Variants in LRRC4C observed in about 807,000 individuals in gnomAD.
LRRC4C encodes the protein leucine-rich repeat-containing protein 4C.
LRRC4C carries 5 observed loss-of-function variants against 33.6 expected under a neutral mutation model. The observed-to-expected ratio is 0.15, with a 90% CI of 0.08 to 0.31. LRRC4C has a LOEUF of 0.31. Ranked by LOEUF, LRRC4C falls within the 10% of genes least tolerant of loss-of-function variation. The pLI, the probability that LRRC4C is intolerant of heterozygous loss-of-function variation, is 1.00. For synonymous variants in LRRC4C, 329 were observed against 302.0 expected, an observed-to-expected ratio of 1.09 and a Z score of -0.93; for missense variants, 560 against 796.7, an observed-to-expected ratio of 0.70 and a Z score of 3.58.
chr11:40,682,349 G>A (rs910125405), intron 2 of LRRC4C, among the ~76,000 whole-genome samples: 2 of 151,834 alleles, frequency 1.3e-5, no homozygotes, highest in African/African-American at 4.8e-5. Context: ...CTAAAGGGAT[G>A]AATGAATGAA....
At chr11:40,508,960 A>G (rs1362079198) in intron 3 of LRRC4C, among the ~76,000 whole-genome samples, 2 of 152,154 alleles carry the variant, frequency 1.3e-5, no homozygotes, top group Non-Finnish European at 2.9e-5. Context: ...GAAACTTGAG[A>G]AATGAAGTGT....
intron 1 of LRRC4C, among the ~76,000 whole-genome samples, chr11:40,995,285 G>A (rs903361255): frequency 2.0e-5 from 3 of 151,986 alleles, no homozygotes; most frequent in African/African-American, 4.8e-5. Context: ...TCATCCCAGA[G>A]GGAATACCTT....
At chr11:40,853,203 T>A (rs2135760312) in intron 2 of LRRC4C, among the ~76,000 whole-genome samples, 1 of 152,220 alleles carries the variant, frequency 6.6e-6, no homozygotes, top group South Asian at 2.1e-4. Flanking sequence ...GTACAGTATA[T>A]GATACTTGAA....
intron 1 of LRRC4C, among the ~76,000 whole-genome samples, chr11:40,952,243 T>C (rs2136735550): frequency 6.6e-6 from 1 of 152,092 alleles, no homozygotes; most frequent in Non-Finnish European, 1.5e-5. Context: ...CCAAGTCTTT[T>C]GTCTCCAAGG....
chr11:40,843,131 C>T (rs1039582000), intron 2 of LRRC4C, among the ~76,000 whole-genome samples: 3 of 152,084 alleles, frequency 2.0e-5, no homozygotes, highest in East Asian at 1.9e-4. Flanking sequence ...TGCCTGGTGA[C>T]GAACTGACCC....
At chr11:41,207,295 T>C (rs1461016775) in intron 1 of LRRC4C, among the ~76,000 whole-genome samples, 1 of 152,198 alleles carries the variant, frequency 6.6e-6, no homozygotes, top group East Asian at 1.9e-4. Context: ...TCAGTCTTTT[T>C]TTAAAAGTTC....
chr11:41,102,236 C>G (rs940801867), intron 1 of LRRC4C, among the ~76,000 whole-genome samples: 6 of 152,034 alleles, frequency 3.9e-5, no homozygotes, highest in Admixed American at 3.3e-4. Context: ...TCTAAAAATG[C>G]TTGAATAAAA....
At chr11:40,863,171 C>T (rs991836529) in intron 2 of LRRC4C, among the ~76,000 whole-genome samples, 1 of 152,130 alleles carries the variant, frequency 6.6e-6, no homozygotes, top group South Asian at 2.1e-4. Context: ...ACATGAGTAA[C>T]CTTTTAGCCT....
chr11:40,443,336 C>T (rs772085739), intron 3 of LRRC4C, among the ~76,000 whole-genome samples: 6 of 152,166 alleles, frequency 3.9e-5, no homozygotes, highest in Non-Finnish European at 5.9e-5. Flanking sequence ...GCTTTCATTG[C>T]TATTACAAAT....
intron 4 of LRRC4C, among the ~76,000 whole-genome samples, chr11:40,317,983 A>C: frequency 6.6e-6 from 1 of 152,228 alleles, no homozygotes; most frequent in South Asian, 2.1e-4. Flanking sequence ...TTAAGCTTAC[A>C]TATTAGCTTC....
chr11:41,304,025 C>T (rs1173184832), intron 1 of LRRC4C, among the ~76,000 whole-genome samples: 3 of 75,824 alleles, frequency 4.0e-5, no homozygotes, highest in Non-Finnish European at 6.4e-5. Context: ...CCCGGCCAGC[C>T]GCCCCATCCG....
At chr11:40,613,317 T>G (rs1019033182) in intron 3 of LRRC4C, among the ~76,000 whole-genome samples, 8 of 151,914 alleles carry the variant, frequency 5.3e-5, no homozygotes, top group Non-Finnish European at 1.0e-4. Flanking sequence ...TTCTAAATAT[T>G]TTGTTGTCAT....
intron 3 of LRRC4C, among the ~76,000 whole-genome samples, chr11:40,483,390 T>A (rs548567854): frequency 2.0e-5 from 3 of 152,196 alleles, no homozygotes; most frequent in African/African-American, 7.2e-5. Context: ...CATGGTGTAG[T>A]GACCAAAAAT....
chr11:41,407,664 A>G (rs1296797936), intron 1 of LRRC4C, among the ~76,000 whole-genome samples: 1 of 152,080 alleles, frequency 6.6e-6, no homozygotes, highest in Admixed American at 6.6e-5. Context: ...GAAATATAAC[A>G]CACTTGTGTA....
chr11:40,367,180 T>G (rs1173392697), intron 3 of LRRC4C, among the ~76,000 whole-genome samples: 1 of 152,108 alleles, frequency 6.6e-6, no homozygotes, highest in Non-Finnish European at 1.5e-5. Context: ...CCAAGCCCAT[T>G]GTAGACATTA....
chr11:40,911,011 C>A (rs542718630), intron 2 of LRRC4C, among the ~76,000 whole-genome samples: 70 of 152,332 alleles, frequency 4.6e-4, no homozygotes, highest in African/African-American at 1.5e-3. Context: ...GGGCGCCTGC[C>A]ATTGCCGAGA....
chr11:41,001,951 T>C (rs1854414065), intron 1 of LRRC4C, among the ~76,000 whole-genome samples: 1 of 152,056 alleles, frequency 6.6e-6, no homozygotes, highest in African/African-American at 2.4e-5. Flanking sequence ...ACTAAACATG[T>C]GGTTACATTA....
chr11:40,828,152 TACACAC>T (rs57515808), intron 2 of LRRC4C, among the ~76,000 whole-genome samples: 50 of 146,934 alleles, frequency 3.4e-4, no homozygotes, highest in African/African-American at 8.7e-4. Context: ...TATACAAACA[TACACAC>T]ACACACACAC....
At chr11:40,279,858 ATTAC>A (rs1178933840) in intron 4 of LRRC4C, among the ~76,000 whole-genome samples, 5 of 152,158 alleles carry the variant, frequency 3.3e-5, no homozygotes, top group Non-Finnish European at 7.3e-5. Flanking sequence ...ATTTATTAGT[ATTAC>A]TTATGGGACT....
Sources: allele counts gnomAD v4.1 joint callset (sites outside exome capture counted in the v4.1 genomes callset), GRCh38; gene constraint gnomAD v4.1.1; transcripts MANE v1.5; gene names NCBI Gene and HGNC (gene_info 2026-07-23, HGNC 2026-07-21).